Variants in TSHZ2 observed in about 807,000 individuals in gnomAD.
The protein encoded by TSHZ2 is teashirt zinc finger homeobox 2.
In TSHZ2, 21 loss-of-function variants were observed where a neutral mutation model predicts 74.4. That is an observed-to-expected ratio of 0.28 (90% CI 0.20 to 0.41). TSHZ2 has a LOEUF of 0.41. TSHZ2 is among the 10% of genes least tolerant of loss of function. The pLI, the probability that TSHZ2 is intolerant of heterozygous loss-of-function variation, is 1.00. For missense variants in TSHZ2, 1,244 were observed against 1,293.5 expected (o/e 0.96, Z 0.59); for synonymous variants, 540 against 515.3 (o/e 1.05, Z -0.65).
rs181897492 is a variant in TSHZ2 at position 53,385,530 on chromosome 20, T to G, written c.*9-101614T>G. 1.4e-4 allele frequency among the ~76,000 whole-genome samples: 22 copies of G among 152,246 alleles called. 1 individual carries two copies. In the East Asian group the frequency reaches 4.3e-3, roughly 29 times the overall value. On this transcript the variant is annotated intron_variant, in intron 2 of 2. Coordinates refer to ENST00000371497, the MANE Select transcript of TSHZ2 (RefSeq NM_173485.6). The stretch of plus-strand genomic sequence containing the variant: ...CCATACTTAGCAGTCATGGGAAGAA[T>G]GGGAATACCATTCTCGGTCGTGGGG...
intron 2 of TSHZ2, among the ~76,000 whole-genome samples, chr20:53,450,987 C>T (rs1272637430): frequency 1.3e-5 from 2 of 152,010 alleles, no homozygotes; most frequent in African/African-American, 4.8e-5. Flanking sequence ...AAAAAAAAGA[C>T]CATGAATCTT....
chr20:53,215,014 G>C (rs1195536952), intron 1 of TSHZ2, among the ~76,000 whole-genome samples: 3 of 152,158 alleles, frequency 2.0e-5, no homozygotes, highest in Non-Finnish European at 4.4e-5. Flanking sequence ...AAATCCAATG[G>C]ACACTGAGAT....
chr20:53,154,898 T>C (rs967621409), intron 1 of TSHZ2, among the ~76,000 whole-genome samples: 1 of 152,200 alleles, frequency 6.6e-6, no homozygotes, highest in African/African-American at 2.4e-5. Context: ...ATTATTGACA[T>C]GCATTTAATT....
intron 2 of TSHZ2, among the ~76,000 whole-genome samples, chr20:53,281,741 G>C (rs1991065162): frequency 6.6e-6 from 1 of 152,276 alleles, no homozygotes; most frequent in South Asian, 2.1e-4. Context: ...AGGGAAGCAG[G>C]ACAGGGAAGG....
intron 2 of TSHZ2, among the ~76,000 whole-genome samples, chr20:53,279,531 A>G (rs1991013899): frequency 6.6e-6 from 1 of 152,226 alleles, no homozygotes; most frequent in Non-Finnish European, 1.5e-5. Flanking sequence ...ATCCAAAGCA[A>G]TCCAGCTCTC....
chr20:53,263,528 C>T (rs754299817), intron 2 of TSHZ2, among the ~76,000 whole-genome samples: 29 of 152,262 alleles, frequency 1.9e-4, no homozygotes, highest in Non-Finnish European at 3.4e-4. Context: ...TTTGTGTGAG[C>T]CCCCCAGTGT....
chr20:53,260,951 A>G (rs895237828), intron 2 of TSHZ2, among the ~76,000 whole-genome samples: 5 of 152,238 alleles, frequency 3.3e-5, no homozygotes, highest in Admixed American at 3.3e-4. Flanking sequence ...ACTACCGTTG[A>G]CTGGCCTCTT....
chr20:53,077,553 T>A (rs1329202250), intron 1 of TSHZ2, among the ~76,000 whole-genome samples: 1 of 151,956 alleles, frequency 6.6e-6, no homozygotes, highest in Non-Finnish European at 1.5e-5. Context: ...TGTCCACATA[T>A]TAGGAGCAAT....
chr20:53,361,828 TTTCTAAC>T (rs1219904013), intron 2 of TSHZ2, among the ~76,000 whole-genome samples: 1 of 152,178 alleles, frequency 6.6e-6, no homozygotes, highest in Non-Finnish European at 1.5e-5. Context: ...GAAACATTGG[TTTCTAAC>T]TCTCTGAGCC....
chr20:53,387,196 T>C (rs1982080742), intron 2 of TSHZ2, among the ~76,000 whole-genome samples: 4 of 152,148 alleles, frequency 2.6e-5, no homozygotes. Context: ...CTCCACGGGA[T>C]CTCACTTTCC....
intron 2 of TSHZ2, among the ~76,000 whole-genome samples, chr20:53,340,168 C>CTTTTTTTTTTTTT (rs1980124898): frequency 1.1e-5 from 1 of 88,448 alleles, no homozygotes; most frequent in African/African-American, 5.5e-5. Context: ...AACAAGGTGA[C>CTTTTTTTTTTTTT]TTTTCTTTCT....
At chr20:53,079,478 G>A (rs985765266) in intron 1 of TSHZ2, among the ~76,000 whole-genome samples, 1 of 152,188 alleles carries the variant, frequency 6.6e-6, no homozygotes, top group African/African-American at 2.4e-5. Flanking sequence ...CTATGTTTAA[G>A]GCATCTTAGC....
At chr20:53,294,442 C>T (rs569226208) in intron 2 of TSHZ2, among the ~76,000 whole-genome samples, 41 of 151,930 alleles carry the variant, frequency 2.7e-4, no homozygotes, top group Middle Eastern at 6.8e-3. Flanking sequence ...AGATCATCTG[C>T]ATCAACTGCT....
chr20:53,083,980 T>A (rs184859517), intron 1 of TSHZ2, among the ~76,000 whole-genome samples: 2 of 152,196 alleles, frequency 1.3e-5, no homozygotes, highest in African/African-American at 4.8e-5. Context: ...TGTTTAAGTT[T>A]CTCTGATTTA....
intron 1 of TSHZ2, among the ~76,000 whole-genome samples, chr20:53,019,812 G>A (rs1207554555): frequency 6.6e-6 from 1 of 152,114 alleles, no homozygotes; most frequent in African/African-American, 2.4e-5. Flanking sequence ...TTGAGCACAG[G>A]GCTTGTCCAG....
At chr20:53,317,176 C>A (rs557166475) in intron 2 of TSHZ2, among the ~76,000 whole-genome samples, 2 of 152,332 alleles carry the variant, frequency 1.3e-5, no homozygotes, top group African/African-American at 4.8e-5. Flanking sequence ...GTGAAAGAAG[C>A]TCGTGTAGTC....
intron 1 of TSHZ2, among the ~76,000 whole-genome samples, chr20:53,221,994 A>G (rs1989571072): frequency 6.6e-6 from 1 of 152,230 alleles, no homozygotes; most frequent in African/African-American, 2.4e-5. Flanking sequence ...TGACCAGGGT[A>G]ATGACTTTCA....
At chr20:53,367,701 G>A (rs1174443957) in intron 2 of TSHZ2, among the ~76,000 whole-genome samples, 1 of 151,972 alleles carries the variant, frequency 6.6e-6, no homozygotes, top group African/African-American at 2.4e-5. Context: ...CTCCCGAGGA[G>A]CTGGGACTAC....
At chr20:53,300,590 C>T (rs1991460859) in intron 2 of TSHZ2, among the ~76,000 whole-genome samples, 2 of 152,172 alleles carry the variant, frequency 1.3e-5, no homozygotes, top group East Asian at 3.8e-4. Context: ...CAGTTATTCC[C>T]CCTTCCCCCT....
Sources: allele counts gnomAD v4.1 joint callset (sites outside exome capture counted in the v4.1 genomes callset), GRCh38; gene constraint gnomAD v4.1.1; transcripts MANE v1.5; gene names NCBI Gene and HGNC (gene_info 2026-07-23, HGNC 2026-07-21).